TULP4: variants seen among roughly 807,000 people sequenced by gnomAD.
TULP4 encodes the protein tubby-related protein 4.
Under a neutral mutation model 129.0 loss-of-function variants are expected in TULP4, and 16 were observed. That is an observed-to-expected ratio of 0.12 (90% CI 0.08 to 0.19). The LOEUF (loss-of-function observed/expected upper bound fraction) is 0.19. TULP4 is among the 10% of genes least tolerant of loss of function. TULP4 has a pLI of 1.00. For synonymous variants in TULP4, 998 were observed against 854.0 expected, an observed-to-expected ratio of 1.17 and a Z score of -2.94; for missense variants, 1,842 against 2,059.1, an observed-to-expected ratio of 0.89 and a Z score of 2.04.
chr6:158,429,686 G>A, intron 2 of TULP4, 50 bp from the exon 3 acceptor site: 1 of 1,578,082 alleles, frequency 6.3e-7, no homozygotes, highest in Non-Finnish European at 8.6e-7. Flanking sequence ...TTGATAAAAT[G>A]TTTTCCTTTT....
At chr6:158,239,238 C>T (rs1401240181) in intron 1 of TULP4, among the ~76,000 whole-genome samples, 1 of 59,406 alleles carries the variant, frequency 1.7e-5, no homozygotes, top group African/African-American at 6.7e-5. Flanking sequence ...GGGGGGCTGA[C>T]CCCCCCACCT....
In TULP4 at chr6:158,413,872, G is replaced by T. The variant is rs1000647036; in HGVS notation, c.381+679G>T. The stretch of plus-strand genomic sequence containing the variant: ...CCATCCTGGGGATTGTACAAAACTG[G>T]GACTTAAGAACCTGAATCCTCAGGG... On this transcript the variant is annotated intron_variant, in intron 2 of 13. Coordinates refer to ENST00000367097, the MANE Select transcript of TULP4 (RefSeq NM_020245.5). The surrounding 1 kb of genome is among the most constrained non-coding windows in gnomAD (Gnocchi z 4.9). Among the ~76,000 whole-genome samples the T allele has an allele frequency of 4.6e-5, 7 of 152,300 alleles. No individual in the cohort carries two copies. The highest frequency in any genetic ancestry group is 1.7e-4 in the African/African-American group (7 of 41,564).
chr6:158,381,461 C>G (rs2114915596), intron 1 of TULP4, among the ~76,000 whole-genome samples: 1 of 152,290 alleles, frequency 6.6e-6, no homozygotes. Flanking sequence ...GATTTTATAG[C>G]CAAATGAGTC....
intron 5 of TULP4, among the ~76,000 whole-genome samples, chr6:158,454,016 G>GCCCT (rs1231106507): frequency 2.1e-4 from 14 of 67,850 alleles, no homozygotes; most frequent in African/African-American, 6.7e-4. Flanking sequence ...ACCTGCCTCT[G>GCCCT]CACCGCCCCC....
chr6:158,300,731 T>C (rs1180456931), intron 1 of TULP4, among the ~76,000 whole-genome samples: 1 of 152,220 alleles, frequency 6.6e-6, no homozygotes, highest in Admixed American at 6.5e-5. Flanking sequence ...ACATGTGAAA[T>C]TCTGCCAAAG....
upstream of TULP4, among the ~76,000 whole-genome samples, chr6:158,279,951 G>A (rs1196046843): frequency 2.0e-5 from 3 of 152,196 alleles, no homozygotes; most frequent in Non-Finnish European, 4.4e-5. Flanking sequence ...TCTTTACGGC[G>A]CGGCTAAACG....
intron 6 of TULP4, among the ~76,000 whole-genome samples, chr6:158,471,313 T>C (rs1779677082): frequency 1.3e-5 from 2 of 152,358 alleles, no homozygotes; most frequent in African/African-American, 4.8e-5. Flanking sequence ...GAGTCAGTGA[T>C]GTCCATGCCT....
chr6:158,285,317 T>TAAGC (rs1286147015), intron 1 of TULP4, among the ~76,000 whole-genome samples: 54 of 152,266 alleles, frequency 3.5e-4, no homozygotes, highest in African/African-American at 1.2e-3. Flanking sequence ...AACATATTAT[T>TAAGC]TGTTTATTGT....
At chr6:158,405,838 G>A (rs963086085) in intron 1 of TULP4, among the ~76,000 whole-genome samples, 7 of 152,244 alleles carry the variant, frequency 4.6e-5, no homozygotes, top group Non-Finnish European at 7.3e-5. Context: ...TTGCCTCGGC[G>A]TCTCCCAACA....
At chr6:158,315,011 G>A (rs1443595051) in intron 1 of TULP4, among the ~76,000 whole-genome samples, 1 of 152,106 alleles carries the variant, frequency 6.6e-6, no homozygotes, top group Non-Finnish European at 1.5e-5. Context: ...TGCTTGTATG[G>A]CACCTTCGCA....
intron 1 of TULP4, among the ~76,000 whole-genome samples, chr6:158,238,982 CCT>C (rs1438659451): frequency 7.0e-6 from 1 of 142,972 alleles, no homozygotes; most frequent in Non-Finnish European, 1.6e-5. Flanking sequence ...CAGAGGGGCT[CCT>C]CACTTCCCAG....
chr6:158,236,790 C>CTTTTTTTTTTTTTT (rs1562489169), intron 1 of TULP4, among the ~76,000 whole-genome samples: 4 of 33,114 alleles, frequency 1.2e-4, no homozygotes, highest in South Asian at 1.3e-3. Context: ...ATGCCCAATT[C>CTTTTTTTTTTTTTT]TTTTCTTTTT....
chr6:158,461,139 C>T (rs1779413770), intron 5 of TULP4, among the ~76,000 whole-genome samples: 2 of 152,116 alleles, frequency 1.3e-5, no homozygotes, highest in Admixed American at 6.5e-5. Flanking sequence ...GGGCTGGGTG[C>T]AGTGGCTCAC....
intron 1 of TULP4, among the ~76,000 whole-genome samples, chr6:158,244,241 G>A (rs1203375377): frequency 6.6e-6 from 1 of 152,068 alleles, no homozygotes; most frequent in Non-Finnish European, 1.5e-5. Flanking sequence ...AGATGTTTCA[G>A]GTTCGTCCTG....
chr6:158,346,693 A>T (rs903191145), intron 1 of TULP4, among the ~76,000 whole-genome samples: 1 of 152,182 alleles, frequency 6.6e-6, no homozygotes, highest in Non-Finnish European at 1.5e-5. Flanking sequence ...TCATTTAGGC[A>T]GAGTATTTAA....
At chr6:158,366,989 A>G (rs542295906) in intron 1 of TULP4, among the ~76,000 whole-genome samples, 218 of 152,298 alleles carry the variant, frequency 1.4e-3, no homozygotes, top group African/African-American at 5.0e-3. Flanking sequence ...TGGCCTCTGC[A>G]GAAGCTTTTC....
At chr6:158,369,816 G>A (rs1409934623) in intron 1 of TULP4, among the ~76,000 whole-genome samples, 2 of 152,090 alleles carry the variant, frequency 1.3e-5, no homozygotes, top group African/African-American at 4.8e-5. Context: ...GCAGACAGAG[G>A]GGGAGGGAGA....
intron 1 of TULP4, among the ~76,000 whole-genome samples, chr6:158,329,984 A>G (rs1031102282): frequency 6.6e-6 from 1 of 152,120 alleles, no homozygotes; most frequent in South Asian, 2.1e-4. Flanking sequence ...TAGAAACATA[A>G]TATTAACCAC....
chr6:158,440,226 G>A (rs1037420345), intron 3 of TULP4, among the ~76,000 whole-genome samples: 1 of 149,326 alleles, frequency 6.7e-6, no homozygotes, highest in Non-Finnish European at 1.5e-5. Context: ...GCTGAGGTGG[G>A]AGGACTGCTT....
Sources: allele counts gnomAD v4.1 joint callset (sites outside exome capture counted in the v4.1 genomes callset), GRCh38; gene constraint gnomAD v4.1.1; non-coding constraint Gnocchi (gnomAD v3.1); transcripts MANE v1.5; gene names NCBI Gene and HGNC (gene_info 2026-07-23, HGNC 2026-07-21).